Variants in LMO1 observed in about 807,000 individuals in gnomAD.
The protein encoded by LMO1 is rhombotin-1.
Under a neutral mutation model 18.0 loss-of-function variants are expected in LMO1, and 10 were observed. The ratio of observed to expected loss-of-function variants is 0.55; its 90% CI spans 0.34 to 0.94. LMO1 has a LOEUF of 0.94. LMO1 is among the 40% of genes least tolerant of loss of function. The pLI, the probability that LMO1 is intolerant of heterozygous loss-of-function variation, is 0.02. For missense variants in LMO1, 183 were observed against 205.7 expected (o/e 0.89, Z 0.68); for synonymous variants, 77 against 77.9 (o/e 0.99, Z 0.06).
At chr11:8,258,678 A>G (rs375463982) in intron 1 of LMO1, among the ~76,000 whole-genome samples, 30 of 152,214 alleles carry the variant, frequency 2.0e-4, no homozygotes, top group Admixed American at 1.4e-3. Context: ...TCTGAGACAC[A>G]GGGTGACACA....
intron 1 of LMO1, among the ~76,000 whole-genome samples, chr11:8,251,877 G>T (rs113160767): frequency 1.3e-5 from 1 of 77,884 alleles, no homozygotes. Flanking sequence ...GTGTGAGTGT[G>T]TGTGTGTATA....
intron 2 of LMO1, among the ~76,000 whole-genome samples, chr11:8,228,928 C>G (rs1402988597): frequency 6.6e-6 from 1 of 152,162 alleles, no homozygotes; most frequent in Non-Finnish European, 1.5e-5. Flanking sequence ...TGCTCTGGCA[C>G]CCAAGCTGGA....
chr11:8,263,036 C>T (rs1847214021), intron 1 of LMO1, among the ~76,000 whole-genome samples: 2 of 152,042 alleles, frequency 1.3e-5, no homozygotes, highest in Admixed American at 6.6e-5. Flanking sequence ...GCCCCAGCCT[C>T]CGCGCGGCCC....
intron 1 of LMO1, among the ~76,000 whole-genome samples, chr11:8,255,768 T>C (rs1847080543): frequency 6.6e-6 from 1 of 151,668 alleles, no homozygotes; most frequent in African/African-American, 2.4e-5. Context: ...TTAGGGTAAC[T>C]GATTACACAG....
intron 1 of LMO1, among the ~76,000 whole-genome samples, chr11:8,260,819 C>A (rs866382596): frequency 3.9e-5 from 6 of 152,244 alleles, no homozygotes; most frequent in Middle Eastern, 3.4e-3. Flanking sequence ...TTAATAGCAG[C>A]CCTGAGTCCC....
intron 1 of LMO1, among the ~76,000 whole-genome samples, chr11:8,249,630 A>G (rs11041825): frequency 0.11 from 16,922 of 152,116 alleles, 1,498 homozygotes; most frequent in African/African-American, 0.24. Flanking sequence ...GGATGTGGAG[A>G]AACTGGAACT....
At chr11:8,247,405 G>GA (rs1255834559) in intron 1 of LMO1, among the ~76,000 whole-genome samples, 1 of 152,190 alleles carries the variant, frequency 6.6e-6, no homozygotes, top group Non-Finnish European at 1.5e-5. Flanking sequence ...TGAAGGGGGA[G>GA]AGCACCATGC....
At chr11:8,257,218 T>G (rs149463585) in intron 1 of LMO1, among the ~76,000 whole-genome samples, 3 of 152,114 alleles carry the variant, frequency 2.0e-5, no homozygotes. Flanking sequence ...ATCCCAAATA[T>G]GGGCCTGCTG....
intron 1 of LMO1, among the ~76,000 whole-genome samples, chr11:8,251,799 CGT>C (rs1012139750): frequency 2.8e-5 from 4 of 142,642 alleles, no homozygotes; most frequent in South Asian, 2.3e-4. Flanking sequence ...GTGTGGAGTG[CGT>C]GTGTGAGTGT....
chr11:8,246,168 AC>A (rs529906135), intron 1 of LMO1, among the ~76,000 whole-genome samples: 49 of 152,248 alleles, frequency 3.2e-4, no homozygotes, highest in African/African-American at 1.1e-3. Flanking sequence ...AAACCATATC[AC>A]CCAGCAACTC....
rs1847226644 is a variant in LMO1, at chr11:8,263,528, G to C, written c.-166C>G. The stretch of plus-strand genomic sequence containing the variant: ...CACTCAGCTAGAATTACATTCAGGA[G>C]TGAAGCACTTCGCAGATACAAAAGC... On this transcript the variant is annotated 5_prime_UTR_variant, in exon 1 of 4. Transcript: ENST00000335790. 7.2e-7 allele frequency: 1 copy of C among 1,383,082 alleles called. No individual in the cohort carries two copies. Among genetic ancestry groups the C allele is most frequent in the Admixed American group, 3.2e-5 (1 of 31,366 alleles). 85.7% of individuals were successfully genotyped at this position (1,383,082 alleles called of 1,614,324 possible). A position where few individuals can be genotyped will look rare whatever the true frequency, so the allele number is the denominator to read the frequency against.
chr11:8,254,363 T>C, intron 1 of LMO1, among the ~76,000 whole-genome samples: 1 of 152,328 alleles, frequency 6.6e-6, no homozygotes, highest in Admixed American at 6.5e-5. Flanking sequence ...GGCTTGTATT[T>C]ATCTGAAATA....
At chr11:8,230,821 G>A (rs547587006) in intron 1 of LMO1, among the ~76,000 whole-genome samples, 79 of 152,268 alleles carry the variant, frequency 5.2e-4, no homozygotes, top group African/African-American at 8.9e-4. Context: ...TCCCCTGTGC[G>A]GTCTCATCCG....
chr11:8,265,898 C>A (rs1227386717), upstream of LMO1, among the ~76,000 whole-genome samples: 1 of 152,206 alleles, frequency 6.6e-6, no homozygotes, highest in African/African-American at 2.4e-5. Flanking sequence ...AGGGGCTGGC[C>A]CTGACCCACA....
At chr11:8,253,777 A>C (rs1847043806) in intron 1 of LMO1, among the ~76,000 whole-genome samples, 1 of 151,964 alleles carries the variant, frequency 6.6e-6, no homozygotes, top group South Asian at 2.1e-4. Context: ...GAATTATTAA[A>C]ACTCCTTTCT....
At chr11:8,255,730 A>C (rs890464375) in intron 1 of LMO1, among the ~76,000 whole-genome samples, 36 of 152,020 alleles carry the variant, frequency 2.4e-4, no homozygotes, top group African/African-American at 8.5e-4. Context: ...GAGTTAAATA[A>C]ATGCTTATTG....
chr11:8,232,240 GCAGCTCTAAAGGTTAAT>G (rs1952676339), intron 1 of LMO1, among the ~76,000 whole-genome samples: 2 of 152,170 alleles, frequency 1.3e-5, no homozygotes, highest in Non-Finnish European at 2.9e-5. Context: ...TTTCCTTAAT[GCAGCTCTAAAGGTTAAT>G]TGGTCTGAGA....
At chr11:8,249,420 A>G (rs117252900) in intron 1 of LMO1, among the ~76,000 whole-genome samples, 1,786 of 152,200 alleles carry the variant, frequency 0.012, 16 homozygotes, top group Non-Finnish European at 0.018. Flanking sequence ...CACAGAGTAA[A>G]CCAAATGGTC....
At chr11:8,236,759 AAC>A (rs1483133312) in intron 1 of LMO1, among the ~76,000 whole-genome samples, 2 of 152,150 alleles carry the variant, frequency 1.3e-5, no homozygotes, top group Non-Finnish European at 2.9e-5. Flanking sequence ...TTCTCCCCAC[AAC>A]AGTTTTATTT....
Sources: allele counts gnomAD v4.1 joint callset (sites outside exome capture counted in the v4.1 genomes callset), GRCh38; gene constraint gnomAD v4.1.1; transcripts MANE v1.5; gene names NCBI Gene and HGNC (gene_info 2026-07-23, HGNC 2026-07-21).